Variants in VMP1 observed in about 807,000 individuals in gnomAD.
VMP1 encodes the protein ectopic P-granules autophagy protein 3 homolog.
Under a neutral mutation model 56.0 loss-of-function variants are expected in VMP1, and 11 were observed. That is an observed-to-expected ratio of 0.20 (90% CI 0.12 to 0.32). The LOEUF (loss-of-function observed/expected upper bound fraction) is 0.32. Among genes scored for constraint, VMP1 ranks in the 10% least tolerant of loss-of-function variants. The pLI is 1.00. For missense variants in VMP1, 296 were observed against 490.3 expected, an observed-to-expected ratio of 0.60 and a Z score of 3.74; for synonymous variants, 149 against 165.0, an observed-to-expected ratio of 0.90 and a Z score of 0.74.
intron 5 of VMP1, among the ~76,000 whole-genome samples, chr17:59,763,430 C>T (rs908483184): frequency 6.6e-6 from 1 of 151,840 alleles, no homozygotes; most frequent in African/African-American, 2.4e-5. Flanking sequence ...TCTGCATTTC[C>T]AAGAATTAAA....
chr17:59,771,929 A>T (rs1179477770), intron 6 of VMP1, among the ~76,000 whole-genome samples: 1 of 151,970 alleles, frequency 6.6e-6, no homozygotes, highest in East Asian at 1.9e-4. Flanking sequence ...GCCTATATCC[A>T]TGTATATATG....
intron 1 of VMP1, among the ~76,000 whole-genome samples, chr17:59,727,754 A>T (rs1375589597): frequency 3.9e-5 from 6 of 152,186 alleles, no homozygotes; most frequent in African/African-American, 1.4e-4. Flanking sequence ...TACTCTTTTG[A>T]TGTATTGGTA....
intron 7 of VMP1, among the ~76,000 whole-genome samples, chr17:59,797,351 AAAAAAG>A (rs1001362780): frequency 3.9e-5 from 6 of 151,920 alleles, no homozygotes; most frequent in Admixed American, 1.3e-4. Context: ...AAAAAAAAAA[AAAAAAG>A]AAAAAGAAAA....
At chr17:59,733,471 G>A (rs957202106) in intron 2 of VMP1, among the ~76,000 whole-genome samples, 3 of 151,634 alleles carry the variant, frequency 2.0e-5, no homozygotes, top group East Asian at 1.9e-4. Context: ...GCGGAGGTGC[G>A]TGGATCACTT....
intron 10 of VMP1, among the ~76,000 whole-genome samples, chr17:59,820,341 T>C (rs1019432289): frequency 6.6e-6 from 1 of 152,184 alleles, no homozygotes; most frequent in Non-Finnish European, 1.5e-5. Flanking sequence ...AGATAATTAC[T>C]TGTTATGGGG....
At chr17:59,730,411 A>G (rs1410183839) in intron 1 of VMP1, among the ~76,000 whole-genome samples, 1 of 152,058 alleles carries the variant, frequency 6.6e-6, no homozygotes, top group East Asian at 1.9e-4. Flanking sequence ...AACTACAGGC[A>G]TGGGTCATCA....
chr17:59,711,534 A>G (rs2033934826), intron 1 of VMP1, among the ~76,000 whole-genome samples: 1 of 152,248 alleles, frequency 6.6e-6, no homozygotes, highest in African/African-American at 2.4e-5. Context: ...GAGGAATAGT[A>G]AATTGCTAAG....
chr17:59,778,605 G>A (rs979774550), intron 7 of VMP1, among the ~76,000 whole-genome samples: 4 of 151,990 alleles, frequency 2.6e-5, no homozygotes, highest in Non-Finnish European at 5.9e-5. Flanking sequence ...TACAGGCCAG[G>A]TGTAGTGATG....
intron 7 of VMP1, among the ~76,000 whole-genome samples, chr17:59,805,069 G>A (rs1419682874): frequency 6.6e-6 from 1 of 152,028 alleles, no homozygotes; most frequent in African/African-American, 2.4e-5. Context: ...CATTAAAAAG[G>A]CACTTTACTT....
At chr17:59,751,968 C>T (rs2035669600) in intron 5 of VMP1, among the ~76,000 whole-genome samples, 1 of 152,030 alleles carries the variant, frequency 6.6e-6, no homozygotes, top group Admixed American at 6.6e-5. Flanking sequence ...GTGTGCACCA[C>T]TACACCAGCT....
chr17:59,735,013 G>A (rs147883967), intron 2 of VMP1, among the ~76,000 whole-genome samples: 5,538 of 144,584 alleles, frequency 0.038, 363 homozygotes, highest in African/African-American at 0.13. Context: ...CCAGGTTCAA[G>A]GGATTCTTGT....
chr17:59,820,767 T>A (rs1352021380), intron 10 of VMP1, among the ~76,000 whole-genome samples: 1 of 152,218 alleles, frequency 6.6e-6, no homozygotes, highest in East Asian at 1.9e-4. Flanking sequence ...GACTGACATA[T>A]AGCAGACACT....
chr17:59,741,323 TAGG>T (rs1171215126), intron 5 of VMP1, among the ~76,000 whole-genome samples: 1 of 152,180 alleles, frequency 6.6e-6, no homozygotes, highest in Non-Finnish European at 1.5e-5. Context: ...GAGGAGCAGT[TAGG>T]ATTATCCTTA....
chr17:59,733,563 G>C (rs191315665), intron 2 of VMP1, among the ~76,000 whole-genome samples: 10 of 152,224 alleles, frequency 6.6e-5, no homozygotes, highest in African/African-American at 2.4e-4. Context: ...CTAGCCGGGC[G>C]TGGTGGCAGA....
intron 7 of VMP1, among the ~76,000 whole-genome samples, chr17:59,804,158 G>GA (rs2037767299): frequency 6.6e-6 from 1 of 151,790 alleles, no homozygotes; most frequent in Admixed American, 6.6e-5. Flanking sequence ...GTTGTTTTTA[G>GA]AAAAACAAAG....
chr17:59,801,224 A>G (rs1328165011), intron 7 of VMP1, among the ~76,000 whole-genome samples: 1 of 150,648 alleles, frequency 6.6e-6, no homozygotes, highest in Non-Finnish European at 1.5e-5. Flanking sequence ...TATATTTACT[A>G]TACTATAGTT....
At chr17:59,787,088 G>A (rs973290573) in intron 7 of VMP1, among the ~76,000 whole-genome samples, 4 of 152,258 alleles carry the variant, frequency 2.6e-5, no homozygotes, top group African/African-American at 9.6e-5. Context: ...TGGTCTTGAT[G>A]GATTCTGTTA....
intron 9 of VMP1, among the ~76,000 whole-genome samples, chr17:59,816,729 G>C (rs2038246328): frequency 6.7e-6 from 1 of 149,756 alleles, no homozygotes; most frequent in South Asian, 2.1e-4. Context: ...CACCAGGTCA[G>C]GAGTTCGAGA....
intron 1 of VMP1, among the ~76,000 whole-genome samples, chr17:59,713,841 G>A (rs28711810): frequency 0.052 from 7,933 of 151,664 alleles, 692 homozygotes; most frequent in African/African-American, 0.18. Context: ...AAGAGTTCAA[G>A]ATCAGCCTGG....
Sources: gnomAD v4.1 joint callset for allele counts (sites outside exome capture counted in the v4.1 genomes callset) on GRCh38, gnomAD v4.1.1 for gene constraint, MANE v1.5 for transcripts, NCBI Gene and HGNC (gene_info 2026-07-23, HGNC 2026-07-21) for gene names.